Variants in ZBTB7C observed in about 807,000 individuals in gnomAD.
The protein encoded by ZBTB7C is zinc finger and BTB domain containing 7C.
In ZBTB7C, 8 loss-of-function variants were observed where a neutral mutation model predicts 25.7. The ratio of observed to expected loss-of-function variants is 0.31; its 90% CI spans 0.18 to 0.56. The LOEUF is 0.56. Ranked by LOEUF, ZBTB7C falls within the 20% of genes least tolerant of loss-of-function variation. ZBTB7C has a pLI of 0.91. For synonymous variants in ZBTB7C, 394 were observed against 369.0 expected (o/e 1.07, Z -0.78); for missense variants, 824 against 855.2 (o/e 0.96, Z 0.46).
intron 2 of ZBTB7C, among the ~76,000 whole-genome samples, chr18:48,232,374 A>T (rs1476910835): frequency 6.6e-6 from 1 of 152,134 alleles, no homozygotes; most frequent in African/African-American, 2.4e-5. Context: ...CAGAAAATAC[A>T]TTTCTGTTGT....
intron 2 of ZBTB7C, among the ~76,000 whole-genome samples, chr18:48,192,486 T>C (rs1307358959): frequency 6.6e-6 from 1 of 152,254 alleles, no homozygotes; most frequent in African/African-American, 2.4e-5. Flanking sequence ...TTGTTTGAGA[T>C]GGAGTCTTGC....
At chr18:48,302,134 G>A (rs543772698) in intron 2 of ZBTB7C, among the ~76,000 whole-genome samples, 3 of 152,268 alleles carry the variant, frequency 2.0e-5, no homozygotes, top group Admixed American at 6.5e-5. Context: ...AGGAGTTGAC[G>A]CTGGCTTTTA....
At chr18:48,278,415 A>G (rs1238853089) in intron 2 of ZBTB7C, among the ~76,000 whole-genome samples, 1 of 151,588 alleles carries the variant, frequency 6.6e-6, no homozygotes, top group Non-Finnish European at 1.5e-5. Flanking sequence ...AGCTGTCTCC[A>G]CAGAATCCTC....
At chr18:48,207,695 C>A (rs2042612203) in intron 2 of ZBTB7C, among the ~76,000 whole-genome samples, 1 of 152,084 alleles carries the variant, frequency 6.6e-6, no homozygotes, top group Non-Finnish European at 1.5e-5. Flanking sequence ...CTCAAGCAAT[C>A]CTCCCACCTC....
intron 3 of ZBTB7C, chr18:48,084,021 A>G (rs1005318727): frequency 5.6e-6 from 2 of 357,204 alleles, no homozygotes; most frequent in African/African-American, 2.2e-5. Context: ...TTCCACACCG[A>G]AGGAAACTAC....
At chr18:48,369,016 A>G (rs1775970857) in intron 1 of ZBTB7C, among the ~76,000 whole-genome samples, 1 of 152,234 alleles carries the variant, frequency 6.6e-6, no homozygotes, top group African/African-American at 2.4e-5. Context: ...AGTAAGCAAG[A>G]GCATAGGCAA....
intron 3 of ZBTB7C, among the ~76,000 whole-genome samples, chr18:48,050,400 G>A (rs901358952): frequency 2.0e-5 from 3 of 152,156 alleles, no homozygotes; most frequent in Admixed American, 6.5e-5. Context: ...TGCCCGCCAC[G>A]AGCACCCCAG....
chr18:48,186,389 A>G (rs2042055364), intron 2 of ZBTB7C, among the ~76,000 whole-genome samples: 1 of 152,268 alleles, frequency 6.6e-6, no homozygotes, highest in Non-Finnish European at 1.5e-5. Context: ...CTCACAGCAC[A>G]GGGCATCTCC....
At chr18:48,201,639 C>A (rs2042451549) in intron 2 of ZBTB7C, among the ~76,000 whole-genome samples, 2 of 152,168 alleles carry the variant, frequency 1.3e-5, no homozygotes, top group South Asian at 4.1e-4. Flanking sequence ...TCCAGAGCCA[C>A]CTCCTTTATC....
chr18:48,055,742 T>C (rs1439306180), intron 3 of ZBTB7C, among the ~76,000 whole-genome samples: 1 of 152,174 alleles, frequency 6.6e-6, no homozygotes, highest in African/African-American at 2.4e-5. Flanking sequence ...CAGCACCTTA[T>C]AGAGTAGCTA....
At chr18:48,134,356 C>A (rs1047285681) in intron 3 of ZBTB7C, among the ~76,000 whole-genome samples, 11 of 152,202 alleles carry the variant, frequency 7.2e-5, no homozygotes, top group Non-Finnish European at 1.3e-4. Flanking sequence ...CTGTCTCAAA[C>A]ATCCATCCAA....
chr18:48,111,699 G>A (rs776122460), intron 3 of ZBTB7C, among the ~76,000 whole-genome samples: 39 of 152,280 alleles, frequency 2.6e-4, no homozygotes, highest in East Asian at 7.7e-4. Flanking sequence ...TGGGGTTTTC[G>A]TGTGGACGGG....
chr18:48,034,190 T>TG (rs1238198573), intron 4 of ZBTB7C, among the ~76,000 whole-genome samples: 1 of 152,168 alleles, frequency 6.6e-6, no homozygotes, highest in East Asian at 1.9e-4. Context: ...TCCAATGGCC[T>TG]GTGTGCTCAC....
Position 48,121,096 on chromosome 18 carries a change from T to G in ZBTB7C, c.-17+64838A>C, listed in dbSNP as rs906204661. Among the ~76,000 whole-genome samples the G allele has an allele frequency of 5.9e-5, 9 of 152,360 alleles. No homozygotes were observed. The East Asian group carries it at 1.3e-3, about 23-fold the overall frequency. ...TACTCCTGCGCTCCCTGCAGAGCCA[T>G]GCCCATGAGCACTGTTCTTCCCAGG... is the stretch of plus-strand genomic sequence containing the variant. On this transcript the variant is annotated intron_variant, in intron 3 of 4. Coordinates refer to ENST00000590800, the MANE Select transcript of ZBTB7C (RefSeq NM_001318841.2).
intron 2 of ZBTB7C, among the ~76,000 whole-genome samples, chr18:48,195,736 C>T (rs2042304256): frequency 6.6e-6 from 1 of 151,972 alleles, no homozygotes; most frequent in Admixed American, 6.5e-5. Context: ...TTTGATATTT[C>T]CCCAACAACC....
At chr18:48,385,433 G>C (rs1055499013) in intron 1 of ZBTB7C, among the ~76,000 whole-genome samples, 1 of 152,162 alleles carries the variant, frequency 6.6e-6, no homozygotes, top group African/African-American at 2.4e-5. Context: ...CTACAGTCAA[G>C]GCCTCAGTTC....
At chr18:48,270,796 T>C (rs1021028461) in intron 2 of ZBTB7C, among the ~76,000 whole-genome samples, 20 of 151,920 alleles carry the variant, frequency 1.3e-4, no homozygotes, top group Admixed American at 8.5e-4. Context: ...CACCTTGGCC[T>C]CCCAAAGTGC....
At chr18:48,114,616 C>G (rs2039360511) in intron 3 of ZBTB7C, among the ~76,000 whole-genome samples, 1 of 151,904 alleles carries the variant, frequency 6.6e-6, no homozygotes, top group African/African-American at 2.4e-5. Flanking sequence ...AAAAAGTTCT[C>G]AGAAGCAGAA....
rs2035616336 is a variant in ZBTB7C at position 48,029,207 on chromosome 18, CCTGGAGGGAGAAGGA to C, written c.*38_*52del. On this transcript the variant is annotated 3_prime_UTR_variant, in exon 5 of 5. Coordinates refer to ENST00000590800, the MANE Select transcript of ZBTB7C (RefSeq NM_001318841.2). ...GATCCATGGGGTAGGGTAGAGTGGG[CCTGGAGGGAGAAGGA>C]CTGGAGGGCTGGTGGGCTGGAGCCG... 5 of 1,498,428 alleles carry C rather than the reference CCTGGAGGGAGAAGGA, an allele frequency of 3.3e-6. No homozygotes were observed. Among genetic ancestry groups the C allele is most frequent in the Non-Finnish European group, 4.4e-6 (5 of 1,135,314 alleles). The allele number at this position is 1,498,428 out of a possible 1,614,324, so 92.8% of individuals were successfully genotyped here.
Sources: allele counts gnomAD v4.1 joint callset (sites outside exome capture counted in the v4.1 genomes callset), GRCh38; gene constraint gnomAD v4.1.1; transcripts MANE v1.5; gene names NCBI Gene and HGNC (gene_info 2026-07-23, HGNC 2026-07-21).